The following MESD variants were observed in gnomAD, a reference collection of about 807,000 sequenced individuals.
The protein encoded by MESD is mesoderm development LRP chaperone.
A neutral mutation model predicts 12.9 loss-of-function variants in MESD; 7 were observed. The observed-to-expected ratio is 0.54, with a 90% CI of 0.31 to 1.02. The LOEUF is 1.02. Among genes scored for constraint, MESD ranks in the 50% least tolerant of loss-of-function variants. The pLI, the probability that MESD is intolerant of heterozygous loss-of-function variation, is 0.05. For missense variants in MESD, 342 were observed against 296.7 expected (o/e 1.15, Z -1.12); for synonymous variants, 126 against 115.6 (o/e 1.09, Z -0.58).
At chr15:80,952,866 A>AC in intron 3 of MESD, 1 of 401,570 alleles carries the variant, frequency 2.5e-6, no homozygotes, top group Non-Finnish European at 5.0e-6. Context: ...ATATTTTTGC[A>AC]CCCCTGCTCT....
chr15:80,979,539 G>GC, intron 2 of MESD, 62 bp from the exon 3 acceptor site: 1 of 1,539,500 alleles, frequency 6.5e-7, no homozygotes, highest in Non-Finnish European at 8.8e-7. Flanking sequence ...AGGGGTCAGA[G>GC]CAATTCTCTG....
At chr15:80,970,035 G>C (rs941447145) in intron 3 of MESD, among the ~76,000 whole-genome samples, 4 of 152,184 alleles carry the variant, frequency 2.6e-5, no homozygotes, top group Non-Finnish European at 5.9e-5. Flanking sequence ...AGTACACATG[G>C]ATAAGATAAT....
chr15:80,986,142 A>G (rs1902723733), intron 1 of MESD, among the ~76,000 whole-genome samples: 1 of 152,200 alleles, frequency 6.6e-6, no homozygotes, highest in South Asian at 2.1e-4. Flanking sequence ...GGAGGACATT[A>G]TGTTAAGTGC....
intron 1 of MESD, among the ~76,000 whole-genome samples, chr15:80,988,386 C>T (rs1902791849): frequency 6.6e-6 from 1 of 152,184 alleles, no homozygotes; most frequent in Non-Finnish European, 1.5e-5. Flanking sequence ...TCTTCAGCAC[C>T]CTCTTCGTCT....
downstream of MESD, among the ~76,000 whole-genome samples, chr15:80,974,763 C>A (rs73507447): frequency 0.019 from 2,419 of 128,810 alleles, 51 homozygotes; most frequent in African/African-American, 0.057. Context: ...AAAAAAAAAA[C>A]AACACTAAGA....
At chr15:80,949,023 A>T in intron 4 of MESD, 3 of 1,523,198 alleles carry the variant, frequency 2.0e-6, no homozygotes, top group Non-Finnish European at 2.7e-6. Flanking sequence ...CCCTGCCAGC[A>T]GCTGCCTGGG....
intron 3 of MESD, among the ~76,000 whole-genome samples, chr15:80,953,671 G>A (rs138523124): frequency 2.0e-5 from 3 of 152,314 alleles, no homozygotes; most frequent in Non-Finnish European, 4.4e-5. Flanking sequence ...CATTCCTGGT[G>A]AGGGAATGGT....
rs544776673 is a variant in MESD at position 80,975,925 on chromosome 15, A to G, written c.*3294T>C. On this transcript the variant is annotated 3_prime_UTR_variant, in exon 3 of 3. Coordinates refer to ENST00000261758, the MANE Select transcript of MESD (RefSeq NM_015154.3). ...AGAGACTTCAGTGAGCCGTGATCCTACTGCACTCTAGTGAGGGCAACAGAG... is the reference window on the plus strand; with the variant it reads ...AGAGACTTCAGTGAGCCGTGATCCTGCTGCACTCTAGTGAGGGCAACAGAG... The G allele has an allele frequency of 6.6e-6, 1 of 152,220 alleles. No homozygotes were observed. Among genetic ancestry groups the G allele is most frequent in the African/African-American group, 2.4e-5 (1 of 41,458 alleles). The allele number at this position is 152,220 out of a possible 1,614,324, so 9.4% of individuals were successfully genotyped here.
At chr15:80,975,148 G>A (rs576014208), downstream of MESD, among the ~76,000 whole-genome samples, 4 of 150,768 alleles carry the variant, frequency 2.7e-5, no homozygotes, top group South Asian at 4.2e-4. Flanking sequence ...ATCGGAGGCC[G>A]AGGCAGGAGG....
intron 2 of MESD, among the ~76,000 whole-genome samples, chr15:80,981,691 A>G (rs1902583427): frequency 6.6e-6 from 1 of 151,480 alleles, no homozygotes; most frequent in African/African-American, 2.4e-5. Context: ...CCCTGTCTCT[A>G]CTAAAAATAC....
chr15:80,987,123 A>G, intron 1 of MESD, among the ~76,000 whole-genome samples: 1 of 152,176 alleles, frequency 6.6e-6, no homozygotes. Flanking sequence ...TTCTACACCA[A>G]TTGGGACTCA....
In MESD at chr15:80,979,197, A is replaced by C. The variant is rs1176391890; in HGVS notation, c.*22T>G. ...GCTCTCCACGTCCACCTGTCCCCCC[A>C]CAGCGCGTCACTGCTGCCCCATCAC... On this transcript the variant is annotated 3_prime_UTR_variant, in exon 3 of 3. Coordinates refer to ENST00000261758, the MANE Select transcript of MESD (RefSeq NM_015154.3). 4 of 1,604,560 alleles carry C rather than the reference A, an allele frequency of 2.5e-6. No individual in the cohort carries two copies. The African/African-American group carries it at 4.0e-5, about 16-fold the overall frequency.
In MESD at chr15:80,958,871, GA is replaced by G. The variant is rs1902034671; in HGVS notation, c.*289-6576del. 2.0e-5 allele frequency among the ~76,000 whole-genome samples: 3 copies of G among 152,184 alleles called. No individual in the cohort carries two copies. The South Asian group carries it at 6.2e-4, about 32-fold the overall frequency. ...ATGACAGTTACCCCCATATTCTGAG[GA>G]AAAGCCCCTAGAGTAGCCGTGAAGG... On this transcript the variant is annotated intron_variant, in intron 3 of 4. Transcript: ENST00000561312.
At chr15:80,971,097 G>C (rs1403499111), downstream of MESD, among the ~76,000 whole-genome samples, 2 of 152,162 alleles carry the variant, frequency 1.3e-5, no homozygotes, top group Non-Finnish European at 2.9e-5. Context: ...GCTTCAAGGA[G>C]CCTCACTGGA....
intron 3 of MESD, among the ~76,000 whole-genome samples, chr15:80,962,590 A>G (rs933917368): frequency 6.6e-6 from 1 of 152,218 alleles, no homozygotes; most frequent in Non-Finnish European, 1.5e-5. Flanking sequence ...AATTGGAAGT[A>G]AAACACTCCT....
At chr15:80,960,593 T>C (rs1389154899) in intron 3 of MESD, among the ~76,000 whole-genome samples, 2 of 152,162 alleles carry the variant, frequency 1.3e-5, no homozygotes, top group Admixed American at 6.5e-5. Flanking sequence ...ACTTGATATA[T>C]GGTTGAATAA....
chr15:80,957,882 C>A (rs936034479), intron 3 of MESD, among the ~76,000 whole-genome samples: 5 of 148,914 alleles, frequency 3.4e-5, no homozygotes, highest in Admixed American at 2.0e-4. Flanking sequence ...CCCACCCCCC[C>A]ACCCCCATAT....
At chr15:80,959,576 C>T (rs1238967766) in intron 3 of MESD, among the ~76,000 whole-genome samples, 1 of 152,184 alleles carries the variant, frequency 6.6e-6, no homozygotes, top group Non-Finnish European at 1.5e-5. Flanking sequence ...GGCATATTCT[C>T]CAAACATGCC....
chr15:80,989,062 G>A (rs1407317040), intron 1 of MESD, among the ~76,000 whole-genome samples: 1 of 152,154 alleles, frequency 6.6e-6, no homozygotes, highest in Non-Finnish European at 1.5e-5. Flanking sequence ...AAAATTCCCA[G>A]CAGGGACATA....
Sources: gnomAD v4.1 joint callset for allele counts (sites outside exome capture counted in the v4.1 genomes callset) on GRCh38, gnomAD v4.1.1 for gene constraint, MANE v1.5 for transcripts, NCBI Gene and HGNC (gene_info 2026-07-23, HGNC 2026-07-21) for gene names.